Variants in MCF2L2 observed in about 807,000 individuals in gnomAD.
MCF2L2 encodes probable guanine nucleotide exchange factor MCF2L2.
In MCF2L2, 102 loss-of-function variants were observed where a neutral mutation model predicts 150.2. The ratio of observed to expected loss-of-function variants is 0.68; its 90% confidence interval spans 0.58 to 0.80. The LOEUF (loss-of-function observed/expected upper bound fraction) is 0.80. MCF2L2 is among the 30% of genes least tolerant of loss of function. MCF2L2 has a pLI of 0.00. For missense variants in MCF2L2, 1,256 were observed against 1,372.8 expected (o/e 0.91, Z 1.34); for synonymous variants, 465 against 491.3 (o/e 0.95, Z 0.71).
At chr3:183,337,552 CAA>C (rs61184812) in intron 5 of MCF2L2, among the ~76,000 whole-genome samples, 11 of 71,956 alleles carry the variant, frequency 1.5e-4, no homozygotes, top group Admixed American at 1.7e-4. Context: ...GACTCCATCT[CAA>C]AAAAAAAAAA....
intron 27 of MCF2L2, among the ~76,000 whole-genome samples, chr3:183,180,898 C>T (rs541855448): frequency 3.3e-5 from 5 of 152,380 alleles, no homozygotes; most frequent in Admixed American, 3.3e-4. Context: ...CTGTCTTCTC[C>T]AGCACTCCTG....
chr3:183,311,766 G>A lies in MCF2L2; in HGVS notation c.760C>T (p.Leu254=), dbSNP rs1729389870. ...TRQRDKLQDE[L]KLLGKQGTTL... is the part of the protein sequence containing the mutation. Reference sequence around the variant, plus strand: ...GTCCCCTGCTTTCCAAGTAATTTCAGCTCATCCTAGAAAATAAAAGTAGTC... The same window carrying A: ...GTCCCCTGCTTTCCAAGTAATTTCAACTCATCCTAGAAAATAAAAGTAGTC... Residue 254 remains leucine, a synonymous_variant, in exon 8 of 30, where the codon CTG becomes TTG. Transcript: ENST00000328913. 1 of 1,612,930 alleles carries A rather than the reference G, an allele frequency of 6.2e-7. No individual in the cohort carries two copies. Among genetic ancestry groups the A allele is most frequent in the Non-Finnish European group, 8.5e-7 (1 of 1,179,736 alleles).
intron 2 of MCF2L2, among the ~76,000 whole-genome samples, chr3:183,387,382 T>G (rs1023594341): frequency 3.0e-4 from 45 of 152,222 alleles, no homozygotes; most frequent in African/African-American, 1.1e-3. Flanking sequence ...AAGTGTCTTC[T>G]GCGCCCAGTG....
At chr3:183,256,648 C>T (rs570392814) in intron 15 of MCF2L2, among the ~76,000 whole-genome samples, 12 of 152,272 alleles carry the variant, frequency 7.9e-5, no homozygotes, top group Non-Finnish European at 1.5e-4. Flanking sequence ...AGCCTAAGAT[C>T]CACCTAATAT....
intron 1 of MCF2L2, chr3:183,400,517 T>G (rs888700418): frequency 6.6e-6 from 3 of 455,748 alleles, no homozygotes; most frequent in African/African-American, 6.0e-5. Context: ...CGGCGCCACC[T>G]CGCTCGCTCT....
At chr3:183,276,824 A>ATGCCCCGCACCCCCTCGCCCCC (rs1221443704) in intron 15 of MCF2L2, 48 bp downstream of exon 15, 5 of 1,356,890 alleles carry the variant, frequency 3.7e-6, no homozygotes, top group Middle Eastern at 1.8e-4. Context: ...CTCGCCACCC[A>ATGCCCCGCACCCCCTCGCCCCC]TGCCCCGCAC....
At chr3:183,293,748 T>C (rs909158537) in intron 13 of MCF2L2, among the ~76,000 whole-genome samples, 1 of 152,110 alleles carries the variant, frequency 6.6e-6, no homozygotes, top group Non-Finnish European at 1.5e-5. Context: ...AAAAAAAGTA[T>C]AAAGATTGAA....
At chr3:183,185,185 T>C (rs1440299005) in intron 27 of MCF2L2, among the ~76,000 whole-genome samples, 1 of 152,258 alleles carries the variant, frequency 6.6e-6, no homozygotes, top group Non-Finnish European at 1.5e-5. Flanking sequence ...TCCAAAGTGC[T>C]GGGATTACAG....
In MCF2L2 at chr3:183,179,549, C is replaced by T. The variant is rs368124163; in HGVS notation, c.3221+28G>A. 1.4e-5 allele frequency: 22 copies of T among 1,613,078 alleles called. No individual in the cohort carries two copies. In the East Asian group the frequency reaches 2.0e-4, roughly 15 times the overall value. On this transcript the variant is annotated intron_variant, in intron 29 of 29. Transcript: ENST00000328913. The surrounding 1 kb of genome is among the most constrained non-coding windows in gnomAD (Gnocchi z 4.2). ...TCAGAGACGCCGTGGCCCAAAGAGG[C>T]GCTTAGTCTTTCCTCGCTCACACTC...
chr3:183,232,059 T>C (rs1296244033), intron 15 of MCF2L2, among the ~76,000 whole-genome samples: 1 of 152,174 alleles, frequency 6.6e-6, no homozygotes, highest in Non-Finnish European at 1.5e-5. Flanking sequence ...GTCCTAATCA[T>C]ATGAACTCAG....
chr3:183,308,284 A>T (rs1204222419), intron 10 of MCF2L2, among the ~76,000 whole-genome samples: 1 of 152,188 alleles, frequency 6.6e-6, no homozygotes, highest in Non-Finnish European at 1.5e-5. Context: ...TATATATATG[A>T]AGGCATTTTT....
rs567469550 is a variant in MCF2L2 at position 183,313,253 on chromosome 3, A to ACG, written c.754-1482_754-1481insCG. ...CAGCAACACACACACACACACACAC[A>ACG]CACATATCCATATGTGAGGAAGAGT... is the stretch of plus-strand genomic sequence containing the variant. On this transcript the variant is annotated intron_variant, in intron 7 of 29. Transcript: ENST00000328913. Among the ~76,000 whole-genome samples, 301 of 151,770 alleles carry ACG rather than the reference A, an allele frequency of 2.0e-3. 2 individuals are homozygous for ACG. The highest frequency in any genetic ancestry group is 7.1e-3 in the African/African-American group (293 of 41,332).
intron 4 of MCF2L2, among the ~76,000 whole-genome samples, chr3:183,340,043 C>A (rs1181314054): frequency 6.6e-6 from 1 of 152,184 alleles, no homozygotes; most frequent in African/African-American, 2.4e-5. Flanking sequence ...GGGCATCAAT[C>A]ATGGCTGCAG....
intron 2 of MCF2L2, among the ~76,000 whole-genome samples, chr3:183,383,102 G>A (rs1713626670): frequency 6.6e-6 from 1 of 152,112 alleles, no homozygotes; most frequent in South Asian, 2.1e-4. Flanking sequence ...TGCCCCACAT[G>A]CTACGTGACT....
intron 15 of MCF2L2, among the ~76,000 whole-genome samples, chr3:183,268,062 T>C (rs933397528): frequency 2.0e-5 from 3 of 152,116 alleles, no homozygotes; most frequent in South Asian, 2.1e-4. Flanking sequence ...AGGGAATGGG[T>C]TGATCCCAAT....
chr3:183,309,391 G>T (rs985266258), intron 10 of MCF2L2, among the ~76,000 whole-genome samples: 2 of 151,928 alleles, frequency 1.3e-5, no homozygotes, highest in African/African-American at 4.8e-5. Flanking sequence ...TGATATAATT[G>T]TTCTGGTGAG....
intron 2 of MCF2L2, among the ~76,000 whole-genome samples, chr3:183,386,056 G>A (rs753842821): frequency 5.9e-5 from 9 of 152,120 alleles, no homozygotes; most frequent in East Asian, 1.9e-4. Flanking sequence ...AGTTTCTATC[G>A]TCAGACCTCG....
chr3:183,323,178 C>G, intron 6 of MCF2L2, 57 bp downstream of exon 6: 1 of 1,267,004 alleles, frequency 7.9e-7, no homozygotes, highest in Non-Finnish European at 1.1e-6. Context: ...ACTCCCCCAC[C>G]CCATCTTCCA....
In MCF2L2 at chr3:183,361,102, C is replaced by CAAGACAAGACAAGACAAGAAAAGAA. The variant is rs1325681167; in HGVS notation, c.275+18194_275+18195insTTCTTTTCTTGTCTTGTCTTGTCTT. On this transcript the variant is annotated intron_variant, in intron 3 of 29. Coordinates refer to ENST00000328913, the MANE Select transcript of MCF2L2 (RefSeq NM_015078.4). ...GAAGACAAGACAAGACAAGACAAGA[C>CAAGACAAGACAAGACAAGAAAAGAA]AAGAAAAGAAAAAAGAAAAAGAAAA... Among the ~76,000 whole-genome samples, 697 of 97,456 alleles carry CAAGACAAGACAAGACAAGAAAAGAA rather than the reference C, an allele frequency of 7.2e-3. 56 individuals are homozygous for CAAGACAAGACAAGACAAGAAAAGAA. The highest frequency in any genetic ancestry group is 0.03 in the African/African-American group (668 of 22,594). The allele number at this position is 97,456 out of a possible 152,430, so 63.9% of individuals were successfully genotyped here. A position where few individuals can be genotyped will look rare whatever the true frequency, so the allele number is the denominator to read the frequency against.
Sources: allele counts gnomAD v4.1 joint callset (sites outside exome capture counted in the v4.1 genomes callset), GRCh38; gene constraint gnomAD v4.1.1; non-coding constraint Gnocchi (gnomAD v3.1); transcripts MANE v1.5; gene names NCBI Gene and HGNC (gene_info 2026-07-23, HGNC 2026-07-21).